CSRP2: variants seen among roughly 807,000 people sequenced by gnomAD.
CSRP2 encodes the protein cysteine and glycine rich protein 2, also known as cysteine and glycine-rich protein 2.
CSRP2 carries 18 observed loss-of-function variants against 24.6 expected under a neutral mutation model. That is an observed-to-expected ratio of 0.73 (90% CI 0.51 to 1.09). CSRP2 has a LOEUF of 1.09. Among genes scored for constraint, CSRP2 ranks in the 50% least tolerant of loss-of-function variants. The pLI is 0.00. For missense variants in CSRP2, 215 were observed against 239.4 expected (o/e 0.90, Z 0.67); for synonymous variants, 87 against 84.3 (o/e 1.03, Z -0.18).
intron 3 of CSRP2, chr12:76,862,922 G>T: frequency 6.6e-7 from 1 of 1,515,954 alleles, no homozygotes; most frequent in Non-Finnish European, 8.8e-7. Context: ...CAAATCACTT[G>T]CTTTTGAGAA....
chr12:76,876,004 A>C (rs1487530287), intron 1 of CSRP2, among the ~76,000 whole-genome samples: 2 of 152,200 alleles, frequency 1.3e-5, no homozygotes, highest in Admixed American at 1.3e-4. Flanking sequence ...TGCTAAACTA[A>C]ACCCCTGGTA....
At position 76,860,284 on chromosome 12, in the gene CSRP2, C is replaced by CTT; in HGVS notation, c.409_410dup (p.Pro138SerfsTer22). 1 of 1,613,412 alleles carries CTT rather than the reference C, an allele frequency of 6.2e-7. No individual in the cohort carries two copies. Among genetic ancestry groups the CTT allele is most frequent in the East Asian group, 2.2e-5 (1 of 44,864 alleles). ...TTATTAATTCCAAATAGCACTTTAC[C>CTT]TTTCCAGCTCCAATTATCTTCTCGG... On this transcript the variant is annotated frameshift_variant and splice_region_variant, in exon 4 of 6. Transcript: ENST00000311083. LOFTEE classifies it high-confidence loss of function.
intron 1 of CSRP2, among the ~76,000 whole-genome samples, chr12:76,869,604 A>G (rs1451927570): frequency 1.3e-5 from 2 of 148,688 alleles, no homozygotes; most frequent in East Asian, 4.0e-4. Flanking sequence ...GCTTGTTATC[A>G]CTAAAATGTA....
chr12:76,874,281 T>A (rs1953831267), intron 1 of CSRP2, among the ~76,000 whole-genome samples: 1 of 152,220 alleles, frequency 6.6e-6, no homozygotes, highest in Non-Finnish European at 1.5e-5. Flanking sequence ...AATACCGCAG[T>A]ACACATGCCA....
intron 5 of CSRP2, among the ~76,000 whole-genome samples, chr12:76,859,264 C>T (rs1404582510): frequency 1.3e-5 from 2 of 152,152 alleles, no homozygotes; most frequent in Non-Finnish European, 2.9e-5. Flanking sequence ...TGAGTCAGGC[C>T]AGGTAAGGTA....
chr12:76,859,161 A>G (rs894298260), intron 5 of CSRP2, 133 bp from the exon 6 acceptor site: 5 of 705,250 alleles, frequency 7.1e-6, no homozygotes, highest in African/African-American at 5.3e-5. Context: ...AAGATGTTAA[A>G]TGTGTCATGT....
chr12:76,871,497 G>GCC (rs1953796236), intron 1 of CSRP2, among the ~76,000 whole-genome samples: 1 of 152,250 alleles, frequency 6.6e-6, no homozygotes, highest in East Asian at 1.9e-4. Context: ...CAAGCCGGAT[G>GCC]CGGTGGCTCA....
At position 76,871,891 on chromosome 12, in the gene CSRP2, G is replaced by T. The variant is rs530762108; in HGVS notation, c.-1-5630C>A. On this transcript the variant is annotated intron_variant, in intron 1 of 5. Coordinates refer to ENST00000311083, the MANE Select transcript of CSRP2 (RefSeq NM_001321.3). ...TTCCATTTCTGTCACTCTTGGCATT[G>T]CTGTGCATAAAAAAAAAAAAAAGCA... 8.6e-5 allele frequency among the ~76,000 whole-genome samples: 13 copies of T among 150,818 alleles called. No individual in the cohort carries two copies. In the South Asian group the frequency reaches 1.1e-3, roughly 12 times the overall value.
intron 1 of CSRP2, among the ~76,000 whole-genome samples, chr12:76,871,581 T>G (rs12814287): frequency 2.0e-5 from 3 of 151,958 alleles, no homozygotes; most frequent in Non-Finnish European, 1.5e-5. Context: ...CCATCCTGGC[T>G]AACACGGTGA....
intron 5 of CSRP2, 51 bp downstream of exon 5, chr12:76,859,496 G>A: frequency 8.8e-7 from 1 of 1,133,052 alleles, no homozygotes; most frequent in Non-Finnish European, 1.3e-6. Flanking sequence ...CATTAAACAA[G>A]AACCAGTGTG....
At chr12:76,874,715 G>A (rs144068308) in intron 1 of CSRP2, among the ~76,000 whole-genome samples, 5 of 152,290 alleles carry the variant, frequency 3.3e-5, no homozygotes, top group African/African-American at 9.6e-5. Context: ...GAGGGTAAGC[G>A]AGCATTACCA....
In CSRP2 at chr12:76,858,906, T is replaced by G. The variant is rs376276002; in HGVS notation, c.*46A>C. Reference sequence around the variant, plus strand: ...TGTTAAAGATTATCTGTGCCTAGATTATGAAGAGATTCTCAGTGTGTGATG... The same window carrying G: ...TGTTAAAGATTATCTGTGCCTAGATGATGAAGAGATTCTCAGTGTGTGATG... On this transcript the variant is annotated 3_prime_UTR_variant, in exon 6 of 6. Transcript: ENST00000311083. The G allele has an allele frequency of 5.5e-5, 82 of 1,504,416 alleles. No individual in the cohort carries two copies. The highest frequency in any genetic ancestry group is 7.4e-6 in the Non-Finnish European group (8 of 1,080,448). 93.2% of individuals were successfully genotyped at this position (1,504,416 alleles called of 1,614,324 possible).
rs980686297 is a variant in CSRP2, at chr12:76,868,937, GAA to G, written c.-1-2678_-1-2677del. 2.9e-4 allele frequency among the ~76,000 whole-genome samples: 18 copies of G among 61,256 alleles called. 1 individual carries two copies. The highest frequency in any genetic ancestry group is 7.1e-4 in the African/African-American group (13 of 18,284). The allele number at this position is 61,256 out of a possible 152,430, so 40.2% of individuals were successfully genotyped here. The stretch of plus-strand genomic sequence containing the variant: ...GACAGAGCGAGACTCCGCCTCAAAA[GAA>G]AAAAAAAAAAAAAAAAGAAAAGCAC... On this transcript the variant is annotated intron_variant, in intron 1 of 5. Coordinates refer to ENST00000311083, the MANE Select transcript of CSRP2 (RefSeq NM_001321.3).
intron 3 of CSRP2, chr12:76,861,811 C>T (rs907971366): frequency 2.0e-5 from 3 of 152,130 alleles, no homozygotes; most frequent in Non-Finnish European, 4.4e-5. Flanking sequence ...ACAAAGTATA[C>T]CTCAGAGTTA....
intron 1 of CSRP2, among the ~76,000 whole-genome samples, chr12:76,866,824 T>C (rs1007546676): frequency 6.6e-6 from 1 of 152,280 alleles, no homozygotes; most frequent in East Asian, 1.9e-4. Flanking sequence ...AATTACACGA[T>C]TGTAGCATAA....
intron 1 of CSRP2, among the ~76,000 whole-genome samples, chr12:76,875,788 A>G (rs996999421): frequency 1.3e-5 from 2 of 152,228 alleles, no homozygotes; most frequent in Non-Finnish European, 2.9e-5. Context: ...AAAGCTTAAT[A>G]TATGCTTTAC....
intron 1 of CSRP2, among the ~76,000 whole-genome samples, chr12:76,876,064 T>C (rs1298560132): frequency 6.6e-6 from 1 of 152,244 alleles, no homozygotes; most frequent in African/African-American, 2.4e-5. Context: ...AGGTTCTTCT[T>C]AAGCTGAGTA....
intron 2 of CSRP2, 129 bp from the exon 3 acceptor site, chr12:76,863,473 T>A: frequency 1.1e-6 from 1 of 915,720 alleles, no homozygotes; most frequent in South Asian, 1.8e-5. Flanking sequence ...GTTTATCCTG[T>A]GGCTTCCCAA....
intron 1 of CSRP2, among the ~76,000 whole-genome samples, chr12:76,871,139 G>A (rs973118385): frequency 9.2e-5 from 14 of 152,120 alleles, no homozygotes; most frequent in Middle Eastern, 6.8e-3. Context: ...TAATAGCTGC[G>A]CAACCTTGGG....
Sources: gnomAD v4.1 joint callset for allele counts (sites outside exome capture counted in the v4.1 genomes callset) on GRCh38, gnomAD v4.1.1 for gene constraint, MANE v1.5 for transcripts, NCBI Gene and HGNC (gene_info 2026-07-23, HGNC 2026-07-21) for gene names.